Variants in PPP1R1C observed in about 807,000 individuals in gnomAD.
PPP1R1C encodes protein phosphatase 1 regulatory subunit 1C.
A neutral mutation model predicts 17.4 loss-of-function variants in PPP1R1C; 15 were observed. The observed-to-expected ratio is 0.86, with a 90% CI of 0.58 to 1.33. The LOEUF (loss-of-function observed/expected upper bound fraction) is 1.33. Ranked by LOEUF, PPP1R1C falls within the 40% of genes most tolerant of loss-of-function variation. PPP1R1C has a pLI of 0.00. For missense variants in PPP1R1C, 143 were observed against 130.0 expected (o/e 1.10, Z -0.48); for synonymous variants, 35 against 43.1 (o/e 0.81, Z 0.73).
chr2:182,083,461 A>G (rs981281931), intron 4 of PPP1R1C, among the ~76,000 whole-genome samples: 5 of 152,120 alleles, frequency 3.3e-5, no homozygotes, highest in Admixed American at 2.6e-4. Flanking sequence ...GGCATAATGT[A>G]TACCCTTGTG....
At chr2:181,965,004 C>G (rs907121754) in intron 1 of PPP1R1C, among the ~76,000 whole-genome samples, 1 of 152,204 alleles carries the variant, frequency 6.6e-6, no homozygotes, top group African/African-American at 2.4e-5. Context: ...TCGCACTCGG[C>G]CCAACATCTC....
At chr2:181,954,781 C>G (rs1348550392) in intron 1 of PPP1R1C, 2 of 152,132 alleles carry the variant, frequency 1.3e-5, no homozygotes, top group African/African-American at 4.8e-5. Context: ...TGAACTCTTT[C>G]TATGATATCT....
At chr2:182,065,718 T>C (rs1687966399) in intron 4 of PPP1R1C, among the ~76,000 whole-genome samples, 1 of 152,012 alleles carries the variant, frequency 6.6e-6, no homozygotes, top group African/African-American at 2.4e-5. Flanking sequence ...GGCAATATAG[T>C]GAGACCCAGT....
chr2:181,987,496 C>T (rs1324482765), intron 1 of PPP1R1C, among the ~76,000 whole-genome samples: 2 of 152,168 alleles, frequency 1.3e-5, no homozygotes, highest in African/African-American at 2.4e-5. Flanking sequence ...GAAAGCACCA[C>T]CAATGTTATG....
At chr2:181,966,936 G>T (rs1437730836) in intron 1 of PPP1R1C, among the ~76,000 whole-genome samples, 2 of 152,128 alleles carry the variant, frequency 1.3e-5, no homozygotes, top group South Asian at 4.1e-4. Flanking sequence ...CATGGGGGGT[G>T]CTTGGCTTTT....
At chr2:182,014,316 G>T (rs1213316607) in intron 2 of PPP1R1C, among the ~76,000 whole-genome samples, 3 of 152,154 alleles carry the variant, frequency 2.0e-5, no homozygotes, top group Non-Finnish European at 2.9e-5. Flanking sequence ...TGCCTTGGGG[G>T]TCTTGTTAAA....
chr2:182,095,082 A>G (rs781083892), intron 4 of PPP1R1C, among the ~76,000 whole-genome samples: 2 of 152,098 alleles, frequency 1.3e-5, no homozygotes, highest in Non-Finnish European at 2.9e-5. Flanking sequence ...TGAGGTCAGG[A>G]GTTGAAGACC....
At position 182,127,412 on chromosome 2, in the gene PPP1R1C, C is replaced by T. The variant is rs184972768; in HGVS notation, c.*7-1562C>T. Among the ~76,000 whole-genome samples, 734 of 152,090 alleles carry T rather than the reference C, an allele frequency of 4.8e-3. 1 individual carries two copies. Among genetic ancestry groups the T allele is most frequent in the Middle Eastern group, 0.02 (6 of 294 alleles). On this transcript the variant is annotated intron_variant, in intron 5 of 5. Transcript: ENST00000280295. Reference sequence around the variant, plus strand: ...TATTTGGCAGCAAATAAAAGAAAAACCAGCAAACAACGGTGTAGAGATATG... The same window carrying T: ...TATTTGGCAGCAAATAAAAGAAAAATCAGCAAACAACGGTGTAGAGATATG...
intron 4 of PPP1R1C, among the ~76,000 whole-genome samples, chr2:182,106,123 T>A (rs557365791): frequency 1.3e-5 from 2 of 152,326 alleles, no homozygotes; most frequent in African/African-American, 2.4e-5. Context: ...AATTTCTCCC[T>A]TTTTTAAGGA....
chr2:182,001,884 A>T (rs1009296458), intron 2 of PPP1R1C, among the ~76,000 whole-genome samples: 1 of 152,100 alleles, frequency 6.6e-6, no homozygotes, highest in East Asian at 1.9e-4. Context: ...CACCTTATAC[A>T]CAAGGAATCT....
chr2:182,057,302 A>C (rs1687713404), intron 2 of PPP1R1C, among the ~76,000 whole-genome samples: 1 of 152,148 alleles, frequency 6.6e-6, no homozygotes, highest in African/African-American at 2.4e-5. Flanking sequence ...GACAGGAGTA[A>C]AGGAAGTGCT....
chr2:181,988,008 C>T, intron 2 of PPP1R1C, 109 bp downstream of exon 2: 5 of 798,406 alleles, frequency 6.3e-6, no homozygotes, highest in Non-Finnish European at 1.0e-5. Context: ...TCACAGTTAG[C>T]AATACTCTAG....
intron 2 of PPP1R1C, among the ~76,000 whole-genome samples, chr2:181,992,072 T>C (rs1043238087): frequency 6.6e-6 from 1 of 152,168 alleles, no homozygotes; most frequent in Non-Finnish European, 1.5e-5. Context: ...GAAAATAATT[T>C]CAGAAAATAC....
intron 2 of PPP1R1C, among the ~76,000 whole-genome samples, chr2:182,057,042 G>A (rs1183002532): frequency 6.6e-6 from 1 of 152,160 alleles, no homozygotes; most frequent in Non-Finnish European, 1.5e-5. Flanking sequence ...CACCTACTAT[G>A]AGCAAATAAT....
At chr2:181,955,782 G>T (rs905054813) in intron 1 of PPP1R1C, among the ~76,000 whole-genome samples, 3 of 152,106 alleles carry the variant, frequency 2.0e-5, no homozygotes, top group Admixed American at 2.0e-4. Flanking sequence ...TAAATAAAAT[G>T]ATCTTCAATT....
intron 2 of PPP1R1C, among the ~76,000 whole-genome samples, chr2:182,028,711 G>GTAGA (rs1686707049): frequency 1.3e-5 from 2 of 149,258 alleles, no homozygotes; most frequent in Admixed American, 6.7e-5. Context: ...GGAGAGTTCT[G>GTAGA]TAGATGTCTA....
chr2:182,059,749 C>T (rs1687796205), intron 2 of PPP1R1C, among the ~76,000 whole-genome samples: 1 of 151,318 alleles, frequency 6.6e-6, no homozygotes, highest in African/African-American at 2.4e-5. Context: ...CAAAACAAAC[C>T]TTTTTTCATT....
intron 4 of PPP1R1C, among the ~76,000 whole-genome samples, chr2:182,078,470 A>G (rs1041928373): frequency 6.6e-5 from 10 of 152,190 alleles, no homozygotes; most frequent in Admixed American, 2.0e-4. Flanking sequence ...ATTATTATTC[A>G]TAGGGGTCCT....
chr2:181,957,097 C>T lies in PPP1R1C; in HGVS notation n.111+2463C>T, dbSNP rs373046786. On this transcript the variant is annotated intron_variant and non_coding_transcript_variant, in intron 1 of 5. Transcript: ENST00000464264. This position sits in a 1 kb window ranked among gnomAD's most constrained non-coding sequence, Gnocchi z 4.2. ...AACTCAGGCCAGGTGCAGTGGTTCA[C>T]GCCTGTAATCTCACCACTTTGGGAG... 2.4e-4 allele frequency among the ~76,000 whole-genome samples: 37 copies of T among 152,280 alleles called. No homozygotes were observed. The highest frequency in any genetic ancestry group is 3.1e-4 in the African/African-American group (13 of 41,540).
Sources: allele counts gnomAD v4.1 joint callset (sites outside exome capture counted in the v4.1 genomes callset), GRCh38; gene constraint gnomAD v4.1.1; non-coding constraint Gnocchi (gnomAD v3.1); transcripts MANE v1.5; gene names NCBI Gene and HGNC (gene_info 2026-07-23, HGNC 2026-07-21).